The following ARHGAP40 variants were observed in gnomAD, a reference collection of about 807,000 sequenced individuals.
ARHGAP40 encodes rho GTPase-activating protein 40.
Under a neutral mutation model 73.5 loss-of-function variants are expected in ARHGAP40, and 43 were observed. The observed-to-expected ratio is 0.58, with a 90% CI of 0.46 to 0.75. ARHGAP40 has a LOEUF of 0.75. Ranked by LOEUF, ARHGAP40 falls within the 30% of genes least tolerant of loss-of-function variation. The pLI, the probability that ARHGAP40 is intolerant of heterozygous loss-of-function variation, is 0.00. For missense variants in ARHGAP40, 734 were observed against 861.8 expected (o/e 0.85, Z 1.86); for synonymous variants, 300 against 352.8 (o/e 0.85, Z 1.68).
chr20:38,644,718 A>G (rs1266189804), intron 11 of ARHGAP40, among the ~76,000 whole-genome samples: 1 of 143,120 alleles, frequency 7.0e-6, no homozygotes, highest in Non-Finnish European at 1.5e-5. Flanking sequence ...ATGCCAATCT[A>G]TCATCCACTC....
At chr20:38,638,106 A>G in intron 7 of ARHGAP40, among the ~76,000 whole-genome samples, 1 of 151,878 alleles carries the variant, frequency 6.6e-6, no homozygotes, top group East Asian at 1.9e-4. Context: ...TCAGGATATC[A>G]AGACCATCCT....
At chr20:38,619,406 T>A (rs2088862309) in intron 1 of ARHGAP40, among the ~76,000 whole-genome samples, 3 of 151,834 alleles carry the variant, frequency 2.0e-5, no homozygotes, top group African/African-American at 7.3e-5. Context: ...GAGTGGTGGT[T>A]CAGAAGTTGG....
At chr20:38,626,792 C>T (rs758862729) in intron 2 of ARHGAP40, among the ~76,000 whole-genome samples, 1 of 152,014 alleles carries the variant, frequency 6.6e-6, no homozygotes, top group Non-Finnish European at 1.5e-5. Flanking sequence ...GCTATCAGTA[C>T]CCCCCACCCC....
chr20:38,649,348 G>T (rs1226029127), intron 14 of ARHGAP40, among the ~76,000 whole-genome samples: 1 of 152,222 alleles, frequency 6.6e-6, no homozygotes, highest in Non-Finnish European at 1.5e-5. Context: ...TGCATTGAGG[G>T]GGTGCCCCTC....
At chr20:38,643,832 A>C in exon 11 of ARHGAP40, 1 of 1,305,476 alleles carries the variant, frequency 7.7e-7, no homozygotes, top group Non-Finnish European at 1.0e-6. Flanking sequence ...AGCTCCCCAA[A>C]GGCAAGGAGA....
At chr20:38,608,902 C>A (rs754728017) in intron 1 of ARHGAP40, among the ~76,000 whole-genome samples, 1 of 152,184 alleles carries the variant, frequency 6.6e-6, no homozygotes, top group East Asian at 1.9e-4. Flanking sequence ...CCTTAAGTTG[C>A]GGTCCACCTG....
intron 1 of ARHGAP40, among the ~76,000 whole-genome samples, chr20:38,603,287 ACAGCATGTTCGCT>A (rs1299542120): frequency 6.6e-6 from 1 of 152,246 alleles, no homozygotes; most frequent in Non-Finnish European, 1.5e-5. Context: ...TTTCATTCAT[ACAGCATGTTCGCT>A]GAGCTCCTAT....
exon 15 of ARHGAP40, chr20:38,649,855 C>A (rs372397918): frequency 4.6e-6 from 6 of 1,304,676 alleles, no homozygotes; most frequent in Middle Eastern, 2.1e-4. Flanking sequence ...CTAAACCCTG[C>A]GAGTCTCAGG....
intron 10 of ARHGAP40, 71 bp from the exon 11 acceptor site, chr20:38,643,633 A>G (rs2089033172): frequency 3.3e-6 from 4 of 1,204,406 alleles, no homozygotes; most frequent in Non-Finnish European, 4.4e-6. Flanking sequence ...ATTCATCAGA[A>G]TGCCCTGGGG....
intron 1 of ARHGAP40, among the ~76,000 whole-genome samples, chr20:38,609,945 C>A (rs73905650): frequency 4.6e-5 from 7 of 152,202 alleles, no homozygotes; most frequent in African/African-American, 1.7e-4. Context: ...GAAGAGTGAG[C>A]AATGAGGACC....
In ARHGAP40 at chr20:38,646,547, A is replaced by T. The variant is rs566251269; in HGVS notation, c.1710+360A>T. Among the ~76,000 whole-genome samples, 1 of 152,348 alleles carries T rather than the reference A, an allele frequency of 6.6e-6. No homozygotes were observed. Among genetic ancestry groups the T allele is most frequent in the East Asian group, 1.9e-4 (1 of 5,190 alleles). On this transcript the variant is annotated intron_variant, in intron 12 of 14. Transcript: ENST00000373345. This position sits in a 1 kb window ranked among gnomAD's most constrained non-coding sequence, Gnocchi z 4.5. ...ATAGTAGAAGGGAAGAGCCTTCCAA[A>T]AATACTGAGTATTCCTAGGAGGGGT...
chr20:38,608,935 C>T (rs529146637), intron 1 of ARHGAP40, among the ~76,000 whole-genome samples: 15 of 152,252 alleles, frequency 9.9e-5, no homozygotes, highest in African/African-American at 2.9e-4. Context: ...CAAGAGTGGC[C>T]GGCTGAGTCC....
exon 15 of ARHGAP40, chr20:38,650,271 G>A: frequency 2.2e-6 from 1 of 455,206 alleles, no homozygotes; most frequent in South Asian, 1.6e-5. Context: ...TCTGTCTGTG[G>A]CTTCCAGACT....
At position 38,609,495 on chromosome 20, in the gene ARHGAP40, G is replaced by A. The variant is rs932316673; in HGVS notation, c.137+7416G>A. On this transcript the variant is annotated intron_variant, in intron 1 of 14. Transcript: ENST00000373345. ...AATATCTGCTCTGTTTTGGGAGCTG[G>A]GCTTATACAATAATAAAAAGAATGT... Among the ~76,000 whole-genome samples the A allele has an allele frequency of 3.3e-5, 5 of 152,254 alleles. No individual in the cohort carries two copies. In the South Asian group the frequency reaches 1.0e-3, roughly 32 times the overall value.
intron 4 of ARHGAP40, 24 bp from the exon 5 acceptor site, chr20:38,629,478 T>G (rs1349949904): frequency 7.7e-7 from 1 of 1,305,114 alleles, no homozygotes; most frequent in Admixed American, 2.3e-5. Context: ...TGCCTTTCTC[T>G]GCTTTGTTTC....
At chr20:38,644,929 T>C (rs120520) in intron 11 of ARHGAP40, among the ~76,000 whole-genome samples, 98,857 of 151,934 alleles carry the variant, frequency 0.65, 33,264 homozygotes, top group African/African-American at 0.84. Context: ...AGTCCTTCCC[T>C]CTATCCCTTC....
At chr20:38,632,583 T>G (rs1474620261) in intron 5 of ARHGAP40, among the ~76,000 whole-genome samples, 2 of 152,078 alleles carry the variant, frequency 1.3e-5, no homozygotes, top group Non-Finnish European at 2.9e-5. Context: ...ATAATGAGTT[T>G]CTATTTCTAA....
At chr20:38,602,184 C>T (rs2088739361) in intron 1 of ARHGAP40, 105 bp downstream of exon 1, 1 of 1,162,412 alleles carries the variant, frequency 8.6e-7, no homozygotes, top group African/African-American at 1.6e-5. Flanking sequence ...CTTCCTCCAT[C>T]GTACAGATGA....
In ARHGAP40 at chr20:38,646,151, C is replaced by T. The variant is rs1022963075; in HGVS notation, c.1674C>T (p.His558=). The T allele has an allele frequency of 1.5e-6, 2 of 1,303,914 alleles. No homozygotes were observed. The highest frequency in any genetic ancestry group is 2.0e-6 in the Non-Finnish European group (2 of 988,680). 80.8% of individuals were successfully genotyped at this position (1,303,914 alleles called of 1,614,324 possible). The change falls in exon 12 of 15, where the codon CAC becomes CAT. Residue 558 remains histidine, a synonymous_variant. Coordinates refer to ENST00000373345, the Ensembl canonical transcript of ARHGAP40. This position sits in a 1 kb window ranked among gnomAD's most constrained non-coding sequence, Gnocchi z 4.5. ...TCAAGACTTGGCTGCGGAGGATGCA[C>T]GCAGACAGGGACAAGGCGGGGGACG...
Sources: gnomAD v4.1 joint callset for allele counts (sites outside exome capture counted in the v4.1 genomes callset) on GRCh38, gnomAD v4.1.1 for gene constraint, Gnocchi (gnomAD v3.1) non-coding constraint, MANE v1.5 for transcripts, NCBI Gene and HGNC (gene_info 2026-07-23, HGNC 2026-07-21) for gene names.